RIGI: variants seen among roughly 807,000 people sequenced by gnomAD.
RIGI encodes antiviral innate immune response receptor RIG-I.
chr9:32,481,594 T>C, the RIGI span: 1 of 950,964 alleles, frequency 1.1e-6, no homozygotes, highest in South Asian at 1.8e-5. Flanking sequence ...TTTTCTTTTT[T>C]TTTTTCCTCG....
chr9:32,499,316 G>GT, the RIGI span, among the ~76,000 whole-genome samples: 1,109 of 57,584 alleles, frequency 0.019, 23 homozygotes, highest in African/African-American at 0.026. Context: ...TTTGTGATTT[G>GT]TTTTTTTTTT....
the RIGI span, among the ~76,000 whole-genome samples, chr9:32,504,907 ATATTATATC>A: frequency 7.1e-6 from 1 of 140,234 alleles, no homozygotes; most frequent in Non-Finnish European, 1.5e-5. Context: ...ATAAAAGTAT[ATATTATATC>A]TATTATATAT....
the RIGI span, among the ~76,000 whole-genome samples, chr9:32,483,446 A>T: frequency 6.6e-6 from 1 of 152,162 alleles, no homozygotes. Flanking sequence ...AAAAAGGTGG[A>T]GGCAGGGTAC....
chr9:32,459,575 G>C, the RIGI span: 1 of 1,513,080 alleles, frequency 6.6e-7, no homozygotes, highest in African/African-American at 1.4e-5. Context: ...CAAGAAACAG[G>C]CACAGATACG....
At chr9:32,462,263 T>C in the RIGI span, among the ~76,000 whole-genome samples, 1 of 152,134 alleles carries the variant, frequency 6.6e-6, no homozygotes, top group Non-Finnish European at 1.5e-5. Flanking sequence ...ATGCATGAGC[T>C]ACACTTATTG....
At chr9:32,457,192 G>A in the RIGI span, 9 of 1,612,976 alleles carry the variant, frequency 5.6e-6, no homozygotes, top group African/African-American at 1.3e-5. Flanking sequence ...CGAGTACAGT[G>A]TCTGAACTCC....
chr9:32,524,596 GT>G, the RIGI span, among the ~76,000 whole-genome samples: 3,851 of 67,528 alleles, frequency 0.057, 104 homozygotes, highest in African/African-American at 0.16. Flanking sequence ...TTGTTTTTCG[GT>G]TTTTTTTTTT....
the RIGI span, chr9:32,493,968 A>G: frequency 6.6e-7 from 1 of 1,515,040 alleles, no homozygotes; most frequent in Non-Finnish European, 8.9e-7. Flanking sequence ...AAAAATGTGG[A>G]CTTTTATGAA....
chr9:32,479,503 G>A, the RIGI span, among the ~76,000 whole-genome samples: 10 of 152,012 alleles, frequency 6.6e-5, no homozygotes, highest in African/African-American at 2.4e-4. Context: ...TCATATGCAG[G>A]CAGTGAGATT....
chr9:32,466,690 C>CA, the RIGI span, among the ~76,000 whole-genome samples: 15,940 of 68,386 alleles, frequency 0.23, 3,579 homozygotes, highest in East Asian at 0.59. Context: ...AGACCTATCT[C>CA]AAAAAAAAAA....
chr9:32,468,157 G>C, the RIGI span, among the ~76,000 whole-genome samples: 1 of 152,234 alleles, frequency 6.6e-6, no homozygotes, highest in Non-Finnish European at 1.5e-5. Context: ...ACAAGACTGA[G>C]TTCAAATCCC....
chr9:32,466,690 C>CAAAAA, the RIGI span, among the ~76,000 whole-genome samples: 9 of 68,604 alleles, frequency 1.3e-4, 1 homozygote, highest in East Asian at 6.2e-4. Context: ...AGACCTATCT[C>CAAAAA]AAAAAAAAAA....
the RIGI span, among the ~76,000 whole-genome samples, chr9:32,499,317 T>G: frequency 1.1e-5 from 1 of 88,430 alleles, no homozygotes; most frequent in Admixed American, 1.2e-4. Context: ...TTGTGATTTG[T>G]TTTTTTTTTT....
the RIGI span, chr9:32,488,187 T>C: frequency 1.2e-6 from 2 of 1,613,926 alleles, no homozygotes; most frequent in African/African-American, 2.7e-5. Context: ...GCTCCAGAAA[T>C]GCCTGTAACT....
the RIGI span, among the ~76,000 whole-genome samples, chr9:32,506,150 G>A: frequency 5.6e-3 from 847 of 152,254 alleles, 6 homozygotes; most frequent in African/African-American, 0.02. Context: ...CCTGGGAGGT[G>A]GAGATTGCAG....
At chr9:32,509,172 G>A in the RIGI span, among the ~76,000 whole-genome samples, 21 of 152,184 alleles carry the variant, frequency 1.4e-4, no homozygotes, top group Non-Finnish European at 3.1e-4. Context: ...TGTGGGCACA[G>A]CTTCAGCAGA....
At chr9:32,524,837 G>T in the RIGI span, among the ~76,000 whole-genome samples, 1 of 151,914 alleles carries the variant, frequency 6.6e-6, no homozygotes, top group Non-Finnish European at 1.5e-5. Flanking sequence ...TCCTGACCTT[G>T]TGATCCACCC....
the RIGI span, among the ~76,000 whole-genome samples, chr9:32,515,094 G>C: frequency 1.3e-5 from 2 of 152,144 alleles, no homozygotes; most frequent in Non-Finnish European, 2.9e-5. Context: ...GATTCCGTTA[G>C]AGGAAACCTG....
the RIGI span, among the ~76,000 whole-genome samples, chr9:32,506,926 C>T: frequency 6.6e-6 from 1 of 152,166 alleles, no homozygotes; most frequent in African/African-American, 2.4e-5. Flanking sequence ...AAGCTTATTA[C>T]ATCTTAAAAT....
Sources: allele counts gnomAD v4.1 joint callset (sites outside exome capture counted in the v4.1 genomes callset), GRCh38; gene constraint gnomAD v4.1.1; transcripts MANE v1.5; gene names NCBI Gene and HGNC (gene_info 2026-07-23, HGNC 2026-07-21).